The following SV2C variants were observed in gnomAD, a reference collection of about 807,000 sequenced individuals.
The protein encoded by SV2C is synaptic vesicle glycoprotein 2C, also known as solute carrier family 22 member B3.
SV2C carries 49 observed loss-of-function variants against 79.7 expected under a neutral mutation model. That is an observed-to-expected ratio of 0.61 (90% CI 0.49 to 0.78). SV2C has a LOEUF of 0.78. Among genes scored for constraint, SV2C ranks in the 30% least tolerant of loss-of-function variants. The probability of loss-of-function intolerance (pLI) is 0.00; values close to 1 mark genes in which losing one functional copy is unlikely to be tolerated. For missense variants in SV2C, 833 were observed against 912.9 expected (o/e 0.91, Z 1.13); for synonymous variants, 334 against 333.2 (o/e 1.00, Z -0.03).
At chr5:75,895,418 G>T in the SV2C span, among the ~76,000 whole-genome samples, 6 of 152,112 alleles carry the variant, frequency 3.9e-5, no homozygotes, top group Non-Finnish European at 7.4e-5. Context: ...AAGAATCAAA[G>T]AAAAATATGA....
chr5:76,124,609 A>C (rs748173223), intron 1 of SV2C, among the ~76,000 whole-genome samples: 1 of 152,108 alleles, frequency 6.6e-6, no homozygotes, highest in Non-Finnish European at 1.5e-5. Flanking sequence ...TCTGCTCTCC[A>C]TTCTTTTGTG....
At chr5:75,853,449 C>T in the SV2C span, among the ~76,000 whole-genome samples, 4 of 149,594 alleles carry the variant, frequency 2.7e-5, no homozygotes, top group South Asian at 2.1e-4. Flanking sequence ...CCAGCTACTC[C>T]GGAAGCTGAG....
At chr5:76,123,837 C>G (rs1383936173) in intron 1 of SV2C, among the ~76,000 whole-genome samples, 1 of 152,180 alleles carries the variant, frequency 6.6e-6, no homozygotes, top group Non-Finnish European at 1.5e-5. Flanking sequence ...TGATAAAGTT[C>G]TGTCCTATTT....
intron 1 of SV2C, among the ~76,000 whole-genome samples, chr5:76,129,296 CTT>C (rs1193028420): frequency 6.6e-6 from 1 of 152,154 alleles, no homozygotes; most frequent in Non-Finnish European, 1.5e-5. Context: ...GAAAAATCTT[CTT>C]TGCTTTAGTA....
the SV2C span, among the ~76,000 whole-genome samples, chr5:75,961,438 C>T: frequency 6.6e-6 from 1 of 151,474 alleles, no homozygotes; most frequent in East Asian, 1.9e-4. Flanking sequence ...AGGAATAAAA[C>T]AAAGGTAAAT....
At chr5:76,137,393 A>G (rs1749102534) in intron 2 of SV2C, among the ~76,000 whole-genome samples, 1 of 152,166 alleles carries the variant, frequency 6.6e-6, no homozygotes, top group African/African-American at 2.4e-5. Flanking sequence ...ATAAGCAGGT[A>G]GTTGAGGATG....
intron 4 of SV2C, among the ~76,000 whole-genome samples, chr5:76,284,927 C>A (rs1747302917): frequency 1.3e-5 from 2 of 152,202 alleles, no homozygotes; most frequent in Admixed American, 6.5e-5. Context: ...ACATGCATAC[C>A]TGCACCCCCA....
intron 12 of SV2C, among the ~76,000 whole-genome samples, chr5:76,352,642 T>C (rs975570208): frequency 2.6e-5 from 4 of 152,190 alleles, no homozygotes; most frequent in African/African-American, 9.7e-5. Flanking sequence ...AATATGTTCT[T>C]TATAAATGAT....
the SV2C span, among the ~76,000 whole-genome samples, chr5:75,972,755 G>T: frequency 6.6e-6 from 1 of 152,094 alleles, no homozygotes; most frequent in Non-Finnish European, 1.5e-5. Context: ...CAACCATTGT[G>T]GAAGTCCGTG....
chr5:75,982,880 G>A, the SV2C span, among the ~76,000 whole-genome samples: 24 of 152,192 alleles, frequency 1.6e-4, no homozygotes, highest in Non-Finnish European at 1.9e-4. Flanking sequence ...ACCAAACACC[G>A]CATGTTCTCA....
At chr5:76,308,912 C>T (rs1388344127) in intron 12 of SV2C, among the ~76,000 whole-genome samples, 3 of 152,014 alleles carry the variant, frequency 2.0e-5, no homozygotes, top group Non-Finnish European at 4.4e-5. Flanking sequence ...ATGATACAAC[C>T]GTGAGTAAAT....
At chr5:76,319,134 G>C (rs1748732782) in intron 12 of SV2C, among the ~76,000 whole-genome samples, 1 of 152,108 alleles carries the variant, frequency 6.6e-6, no homozygotes, top group African/African-American at 2.4e-5. Flanking sequence ...TGCCCAGCTG[G>C]GCGTGGTGGC....
At chr5:76,155,684 T>C (rs1304306510) in intron 2 of SV2C, among the ~76,000 whole-genome samples, 2 of 152,094 alleles carry the variant, frequency 1.3e-5, no homozygotes, top group African/African-American at 2.4e-5. Flanking sequence ...GCTTGAAAGC[T>C]GTGGTTTCTC....
the SV2C span, among the ~76,000 whole-genome samples, chr5:75,872,064 C>T: frequency 2.8e-5 from 4 of 145,408 alleles, no homozygotes; most frequent in South Asian, 2.1e-4. Flanking sequence ...TTTATATATA[C>T]ATATATATGA....
chr5:76,193,725 C>A (rs749925736), intron 2 of SV2C, among the ~76,000 whole-genome samples: 1 of 151,100 alleles, frequency 6.6e-6, no homozygotes, highest in Non-Finnish European at 1.5e-5. Context: ...CTGAGAAAGA[C>A]CCCCAGGCTT....
At chr5:75,982,211 C>T in the SV2C span, among the ~76,000 whole-genome samples, 1 of 105,184 alleles carries the variant, frequency 9.5e-6, no homozygotes, top group African/African-American at 4.1e-5. Flanking sequence ...GCACATGTAC[C>T]CTAAAACTTA....
the SV2C span, among the ~76,000 whole-genome samples, chr5:75,866,640 C>T: frequency 6.6e-6 from 1 of 152,158 alleles, no homozygotes. Context: ...GAAATGAAGC[C>T]TCAAATTCGT....
the SV2C span, among the ~76,000 whole-genome samples, chr5:76,050,629 C>T: frequency 6.6e-6 from 1 of 152,076 alleles, no homozygotes; most frequent in African/African-American, 2.4e-5. Flanking sequence ...GATCTACCAC[C>T]TTAGTACTCT....
At chr5:76,032,721 T>C in the SV2C span, among the ~76,000 whole-genome samples, 1 of 152,226 alleles carries the variant, frequency 6.6e-6, no homozygotes. Context: ...TGTGCATGTG[T>C]CTTTAGAGCA....
Sources: gnomAD v4.1 joint callset for allele counts (sites outside exome capture counted in the v4.1 genomes callset) on GRCh38, gnomAD v4.1.1 for gene constraint, MANE v1.5 for transcripts, NCBI Gene and HGNC (gene_info 2026-07-23, HGNC 2026-07-21) for gene names.